DYNC2I1: variants seen among roughly 807,000 people sequenced by gnomAD.
The protein encoded by DYNC2I1 is dynein 2 intermediate chain 1, also known as cytoplasmic dynein 2 intermediate chain 1.
Under a neutral mutation model 133.4 loss-of-function variants are expected in DYNC2I1, and 89 were observed. The observed-to-expected ratio is 0.67, with a 90% CI of 0.56 to 0.80. The LOEUF (loss-of-function observed/expected upper bound fraction) is 0.80. Ranked by LOEUF, DYNC2I1 falls within the 30% of genes least tolerant of loss-of-function variation. The pLI is 0.00. For synonymous variants in DYNC2I1, 504 were observed against 484.3 expected (o/e 1.04, Z -0.54); for missense variants, 1,291 against 1,314.5 (o/e 0.98, Z 0.28).
intron 23 of DYNC2I1, among the ~76,000 whole-genome samples, chr7:158,940,492 C>T (rs534220156): frequency 9.8e-4 from 149 of 152,242 alleles, no homozygotes; most frequent in African/African-American, 3.6e-3. Context: ...ACCAAATAGG[C>T]CTAACATTTA....
chr7:158,921,490 G>A (rs754163696), intron 15 of DYNC2I1, among the ~76,000 whole-genome samples: 4 of 152,296 alleles, frequency 2.6e-5, no homozygotes, highest in South Asian at 2.1e-4. Flanking sequence ...CACAGCACTC[G>A]AGAACCTCAT....
At chr7:158,881,113 C>T (rs1843957800) in intron 5 of DYNC2I1, among the ~76,000 whole-genome samples, 1 of 152,256 alleles carries the variant, frequency 6.6e-6, no homozygotes, top group Admixed American at 6.5e-5. Flanking sequence ...GGCCGAGAAG[C>T]AGTCGTGTTA....
At chr7:158,941,008 CAAAG>C (rs1455413793) in intron 23 of DYNC2I1, among the ~76,000 whole-genome samples, 17 of 151,832 alleles carry the variant, frequency 1.1e-4, no homozygotes, top group Middle Eastern at 3.2e-3. Context: ...TAAATTGAGA[CAAAG>C]AAATTACAGA....
At chr7:158,915,853 A>G (rs1163523280) in intron 14 of DYNC2I1, among the ~76,000 whole-genome samples, 1 of 149,724 alleles carries the variant, frequency 6.7e-6, no homozygotes, top group African/African-American at 2.5e-5. Flanking sequence ...GCTGGTTGAC[A>G]TTAAGGATGA....
intron 1 of DYNC2I1, among the ~76,000 whole-genome samples, chr7:158,868,764 C>T (rs1842632870): frequency 6.6e-6 from 1 of 152,188 alleles, no homozygotes; most frequent in Non-Finnish European, 1.5e-5. Flanking sequence ...CGTTTCTGTT[C>T]CTGATTTGTT....
At chr7:158,892,867 G>A (rs966906379) in intron 8 of DYNC2I1, among the ~76,000 whole-genome samples, 5 of 151,520 alleles carry the variant, frequency 3.3e-5, no homozygotes, top group African/African-American at 4.9e-5. Context: ...GAACCCAGGA[G>A]GCGGAGGTTG....
chr7:158,926,220 C>T lies in DYNC2I1; in HGVS notation c.2291C>T (p.Pro764Leu). The T allele has an allele frequency of 1.2e-6, 2 of 1,613,604 alleles. No individual in the cohort carries two copies. The highest frequency in any genetic ancestry group is 1.7e-6 in the Non-Finnish European group (2 of 1,179,756). Reference sequence around the variant, plus strand: ...CTTACCTCAGTAAACCACCGAAGCCCTCTTCAAGCAGTAGAACCTATCTCA... The same window carrying T: ...CTTACCTCAGTAAACCACCGAAGCCTTCTTCAAGCAGTAGAACCTATCTCA... ...GILTSVNHRS[P>L]LQAVEPISTS... The change falls in exon 18 of 25, where the codon CCT becomes CTT. Residue 764 changes from proline to leucine, a missense_variant. Physicochemically the swap from Pro to Leu is moderately conservative, Grantham distance 98. Transcript: ENST00000407559.
At chr7:158,917,013 G>A (rs1268093179) in intron 14 of DYNC2I1, among the ~76,000 whole-genome samples, 7 of 68,298 alleles carry the variant, frequency 1.0e-4, no homozygotes, top group Admixed American at 2.6e-4. Context: ...GTGAAACGTC[G>A]ACACGCTGGT....
intron 11 of DYNC2I1, 97 bp downstream of exon 11, chr7:158,906,188 A>G (rs1227089491): frequency 2.8e-6 from 3 of 1,078,564 alleles, no homozygotes; most frequent in African/African-American, 1.6e-5. Context: ...ATGCATTTTT[A>G]CTACTGTTTT....
chr7:158,899,069 T>A (rs1174052437), intron 8 of DYNC2I1, among the ~76,000 whole-genome samples: 1 of 152,198 alleles, frequency 6.6e-6, no homozygotes, highest in Non-Finnish European at 1.5e-5. Context: ...TACTAAAATC[T>A]GCAAACGCTC....
intron 16 of DYNC2I1, among the ~76,000 whole-genome samples, chr7:158,923,057 C>G (rs150133956): frequency 1.3e-5 from 2 of 152,274 alleles, no homozygotes; most frequent in Non-Finnish European, 2.9e-5. Context: ...GAGGCTGGCA[C>G]CGAGGCTTGA....
chr7:158,879,194 G>A (rs1371895230), intron 4 of DYNC2I1, among the ~76,000 whole-genome samples: 1 of 152,128 alleles, frequency 6.6e-6, no homozygotes, highest in Non-Finnish European at 1.5e-5. Flanking sequence ...CCTTACACAA[G>A]GGTAACAGAT....
chr7:158,957,324 G>A (rs993818499), downstream of DYNC2I1, among the ~76,000 whole-genome samples: 4 of 152,238 alleles, frequency 2.6e-5, no homozygotes, highest in African/African-American at 9.6e-5. Context: ...GGCTGCTCCT[G>A]TGGGGCCGAT....
intron 15 of DYNC2I1, among the ~76,000 whole-genome samples, chr7:158,920,711 A>G (rs1848985423): frequency 6.6e-6 from 1 of 152,254 alleles, no homozygotes; most frequent in Non-Finnish European, 1.5e-5. Flanking sequence ...TGTTCTGGTA[A>G]AATGAATATT....
downstream of DYNC2I1, among the ~76,000 whole-genome samples, chr7:158,958,241 C>T (rs1852250621): frequency 6.6e-6 from 1 of 152,098 alleles, no homozygotes; most frequent in African/African-American, 2.4e-5. Flanking sequence ...ACCTTGATTC[C>T]AGAAATGTCA....
intron 1 of DYNC2I1, among the ~76,000 whole-genome samples, chr7:158,861,586 C>G (rs1042614199): frequency 2.0e-5 from 3 of 152,246 alleles, no homozygotes; most frequent in Middle Eastern, 3.2e-3. Context: ...AAAATAGACT[C>G]AGCGCAGCAG....
chr7:158,893,886 CAT>C (rs531043358), intron 8 of DYNC2I1, among the ~76,000 whole-genome samples: 98 of 152,100 alleles, frequency 6.4e-4, no homozygotes, highest in Admixed American at 2.7e-3. Context: ...TATCGTAACA[CAT>C]GTCACACTAC....
chr7:158,873,265 A>G (rs935600122), intron 3 of DYNC2I1, among the ~76,000 whole-genome samples: 2 of 152,228 alleles, frequency 1.3e-5, no homozygotes, highest in South Asian at 2.1e-4. Flanking sequence ...AAACTAGCGC[A>G]TATAAATGCA....
downstream of DYNC2I1, among the ~76,000 whole-genome samples, chr7:158,957,806 C>T (rs1370614092): frequency 6.6e-6 from 1 of 152,136 alleles, no homozygotes; most frequent in Non-Finnish European, 1.5e-5. Flanking sequence ...CAGCGCCGGG[C>T]GTGTCACTTT....
Sources: gnomAD v4.1 joint callset for allele counts (sites outside exome capture counted in the v4.1 genomes callset) on GRCh38, gnomAD v4.1.1 for gene constraint, MANE v1.5 for transcripts, NCBI Gene and HGNC (gene_info 2026-07-23, HGNC 2026-07-21) for gene names.